The following ID2 variants were observed in gnomAD, a reference collection of about 807,000 sequenced individuals.
The protein encoded by ID2 is inhibitor of DNA binding 2.
In ID2, 2 loss-of-function variants were observed where a neutral mutation model predicts 8.3. That is an observed-to-expected ratio of 0.24 (90% confidence interval 0.10 to 0.76). The LOEUF (loss-of-function observed/expected upper bound fraction) is 0.76, where lower values mean the gene tolerates loss of function less well. Among genes scored for constraint, ID2 ranks in the 30% least tolerant of loss-of-function variants. The probability of loss-of-function intolerance (pLI) is 0.73; values close to 1 mark genes in which losing one functional copy is unlikely to be tolerated. For synonymous variants in ID2, 112 were observed against 72.3 expected, an observed-to-expected ratio of 1.55 and a Z score of -2.79; for missense variants, 155 against 167.0, an observed-to-expected ratio of 0.93 and a Z score of 0.40.
rs1179964656 is a variant in ID2, at chr2:8,682,829, CTCTT to C, written c.349-7_349-4del. 1.2e-5 allele frequency: 19 copies of C among 1,593,998 alleles called. No individual in the cohort carries two copies. Among genetic ancestry groups the C allele is most frequent in the African/African-American group, 2.7e-5 (2 of 74,192 alleles). On this transcript the variant is annotated splice_polypyrimidine_tract_variant and intron_variant, in intron 1 of 2. Coordinates refer to ENST00000396290, the MANE Select transcript of ID2 (RefSeq NM_002166.5). ...TTGTCTTAACCTCGTACTCTTTATC[CTCTT>C]TCTTTCCAGGCTTCTGAATTCCCTT... is the stretch of plus-strand genomic sequence containing the variant.
chr2:8,682,819 A>G, intron 1 of ID2, 24 bp from the exon 2 acceptor site: 10 of 1,564,990 alleles, frequency 6.4e-6, no homozygotes, highest in Non-Finnish European at 8.8e-6. Context: ...TTAACCTCGT[A>G]CTCTTTATCC....
chr2:8,682,233 C>G lies in ID2; in HGVS notation c.68C>G (p.Ser23Cys). 6.2e-7 allele frequency: 1 copy of G among 1,614,114 alleles called. No homozygotes were observed. The highest frequency in any genetic ancestry group is 1.1e-5 in the South Asian group (1 of 91,084). Reference sequence around the variant, plus strand: ...CTGTCGGACCACAGCCTGGGCATCTCCCGGAGCAAAACCCCTGTGGACGAC... The same window carrying G: ...CTGTCGGACCACAGCCTGGGCATCTGCCGGAGCAAAACCCCTGTGGACGAC... Reference protein sequence around the residue: ...NSLSDHSLGISRSKTPVDDPM... With the variant: ...NSLSDHSLGICRSKTPVDDPM... The change falls in exon 1 of 3, where the codon TCC becomes TGC. Residue 23 changes from serine to cysteine, a missense_variant. Around this residue, in one of 3 missense-constraint regions of ID2, gnomAD observed 73 missense variants for 72.2 expected, o/e 1.01. Coordinates refer to ENST00000396290, the MANE Select transcript of ID2 (RefSeq NM_002166.5).
In ID2 at chr2:8,684,373, T is replaced by G. The variant is rs925510168; in HGVS notation, c.*696T>G. 6.6e-6 allele frequency: 1 copy of G among 152,522 alleles called. No individual in the cohort carries two copies. The highest frequency in any genetic ancestry group is 1.5e-5 in the Non-Finnish European group (1 of 68,034). The allele number at this position is 152,522 out of a possible 1,614,324, so 9.4% of individuals were successfully genotyped here. A position where few individuals can be genotyped will look rare whatever the true frequency, so the allele number is the denominator to read the frequency against. Reference sequence around the variant, plus strand: ...CAGTGCTTTGATTTTTATTATGCTATGTTATAACTGAACCCAAATAAATAC... The same window carrying G: ...CAGTGCTTTGATTTTTATTATGCTAGGTTATAACTGAACCCAAATAAATAC... On this transcript the variant is annotated 3_prime_UTR_variant, in exon 3 of 3. Coordinates refer to ENST00000396290, the MANE Select transcript of ID2 (RefSeq NM_002166.5).
rs1210116248 is a variant in ID2 at position 8,682,098 on chromosome 2, G to C, written c.-68G>C. The C allele has an allele frequency of 3.9e-6, 5 of 1,282,378 alleles. No homozygotes were observed. The highest frequency in any genetic ancestry group is 5.5e-6 in the Non-Finnish European group (5 of 904,922). The allele number at this position is 1,282,378 out of a possible 1,614,324, so 79.4% of individuals were successfully genotyped here. A position where few individuals can be genotyped will look rare whatever the true frequency, so the allele number is the denominator to read the frequency against. The stretch of plus-strand genomic sequence containing the variant: ...GTGCCAAGCGCAGCTAGCTCAGCAG[G>C]CGGCAGCGGCGGCCTGAGCTTCAGG... On this transcript the variant is annotated 5_prime_UTR_variant, in exon 1 of 3. Coordinates refer to ENST00000396290, the MANE Select transcript of ID2 (RefSeq NM_002166.5).
chr2:8,682,407 C>G lies in ID2; in HGVS notation c.242C>G (p.Ser81Trp). ...TTGGACCTGCAGATCGCCCTGGACT[C>G]GCATCCCACTATTGTCAGCCTGCAT... ...YILDLQIALDSHPTIVSLHHQ... is the reference protein window; with the variant it reads ...YILDLQIALDWHPTIVSLHHQ... The change falls in exon 1 of 3, where the codon TCG becomes TGG. Residue 81 changes from serine to tryptophan, a missense_variant. Ser to Trp is a radical substitution (Grantham distance 177). Coordinates refer to ENST00000396290, the MANE Select transcript of ID2 (RefSeq NM_002166.5). 3 of 1,613,874 alleles carry G rather than the reference C, an allele frequency of 1.9e-6. No individual in the cohort carries two copies. Among genetic ancestry groups the G allele is most frequent in the Non-Finnish European group, 2.5e-6 (3 of 1,180,018 alleles).
chr2:8,683,050 TCTCA>T (rs1662134508), intron 2 of ID2, 144 bp downstream of exon 2: 1 of 701,840 alleles, frequency 1.4e-6, no homozygotes. Context: ...TACTACATTG[TCTCA>T]CTAGACATGA....
chr2:8,683,082 G>A (rs1257171610), intron 2 of ID2, 176 bp downstream of exon 2: 1 of 623,340 alleles, frequency 1.6e-6, no homozygotes, highest in Non-Finnish European at 2.9e-6. Context: ...TGTAGCTTTG[G>A]GTGCTCGAGA....
At position 8,683,879 on chromosome 2, in the gene ID2, T is replaced by C. The variant is rs2147895997; in HGVS notation, c.*202T>C. Reference sequence around the variant, plus strand: ...GGGTGTTCTCTTACTTGGACTGTGATATTCGTTATTTATGAAAAAGACTTT... The same window carrying C: ...GGGTGTTCTCTTACTTGGACTGTGACATTCGTTATTTATGAAAAAGACTTT... On this transcript the variant is annotated 3_prime_UTR_variant, in exon 3 of 3. Coordinates refer to ENST00000396290, the MANE Select transcript of ID2 (RefSeq NM_002166.5). 1 of 152,698 alleles carries C rather than the reference T, an allele frequency of 6.5e-6. No homozygotes were observed. Among genetic ancestry groups the C allele is most frequent in the Admixed American group, 6.5e-5 (1 of 15,306 alleles). The allele number at this position is 152,698 out of a possible 1,614,324, so 9.5% of individuals were successfully genotyped here. A position where few individuals can be genotyped will look rare whatever the true frequency, so the allele number is the denominator to read the frequency against.
intron 1 of ID2, 74 bp from the exon 2 acceptor site, chr2:8,682,762 CAAAAAAA>C (rs373887089): frequency 1.7e-4 from 125 of 746,772 alleles, no homozygotes; most frequent in African/African-American, 1.2e-3. Flanking sequence ...CTGTGGACTA[CAAAAAAA>C]AAAAAAAAAA....
chr2:8,682,198 G>T lies in ID2; in HGVS notation c.33G>T (p.Arg11Ser). The change falls in exon 1 of 3, where the codon AGG becomes AGT. Residue 11 changes from arginine (R) to serine (S), a missense_variant. By Grantham distance (110) the Arg-to-Ser change is moderately radical. Around this residue, in one of 3 missense-constraint regions of ID2, gnomAD observed 73 missense variants for 72.2 expected, o/e 1.01. Coordinates refer to ENST00000396290, the MANE Select transcript of ID2 (RefSeq NM_002166.5). MKAFSPVRSVRKNSLSDHSLG... is the reference protein window; with the variant it reads MKAFSPVRSVSKNSLSDHSLG... ...CCTTCAGTCCCGTGAGGTCCGTTAGGAAAAACAGCCTGTCGGACCACAGCC... is the reference window on the plus strand; with the variant it reads ...CCTTCAGTCCCGTGAGGTCCGTTAGTAAAAACAGCCTGTCGGACCACAGCC... 6.2e-7 allele frequency: 1 copy of T among 1,613,856 alleles called. No individual in the cohort carries two copies. The highest frequency in any genetic ancestry group is 8.5e-7 in the Non-Finnish European group (1 of 1,180,012).
rs949684920 is a variant in ID2, at chr2:8,684,091, CT to C, written c.*419del. The C allele has an allele frequency of 1.3e-5, 2 of 152,170 alleles. No homozygotes were observed. The highest frequency in any genetic ancestry group is 2.9e-5 in the Non-Finnish European group (2 of 67,998). The allele number at this position is 152,170 out of a possible 1,614,324, so 9.4% of individuals were successfully genotyped here. A position where few individuals can be genotyped will look rare whatever the true frequency, so the allele number is the denominator to read the frequency against. ...ATGAAGTCTTTTGGTCAGAAATTAC[CT>C]TTTTGACACAAGCCTACTGAATGCT... On this transcript the variant is annotated 3_prime_UTR_variant, in exon 3 of 3. Coordinates refer to ENST00000396290, the MANE Select transcript of ID2 (RefSeq NM_002166.5).
At position 8,683,679 on chromosome 2, in the gene ID2, T is replaced by C. The variant is rs536697369; in HGVS notation, c.*8-6T>C. 1 of 152,566 alleles carries C rather than the reference T, an allele frequency of 6.6e-6. No homozygotes were observed. The highest frequency in any genetic ancestry group is 1.5e-5 in the Non-Finnish European group (1 of 68,038). 9.5% of individuals were successfully genotyped at this position (152,566 alleles called of 1,614,324 possible). On this transcript the variant is annotated splice_polypyrimidine_tract_variant and splice_region_variant and intron_variant, in intron 2 of 2. Coordinates refer to ENST00000396290, the MANE Select transcript of ID2 (RefSeq NM_002166.5). ...AAACATGCCTTTCTCCCCCACTCTTTCGCAGGTGTTCATGATTTCTTTTAT... is the reference window on the plus strand; with the variant it reads ...AAACATGCCTTTCTCCCCCACTCTTCCGCAGGTGTTCATGATTTCTTTTAT...
rs1161870400 is a variant in ID2, at chr2:8,682,491, A to G, written c.326A>G (p.Asp109Gly). 6.2e-7 allele frequency: 1 copy of G among 1,613,022 alleles called. No homozygotes were observed. Among genetic ancestry groups the G allele is most frequent in the Non-Finnish European group, 8.5e-7 (1 of 1,179,874 alleles). Residue 109 changes from aspartate to glycine, a missense_variant, in exon 1 of 3, where the codon GAT becomes GGT. This residue lies in a region of ID2 where 75 missense variants were observed against 72.2 expected (regional missense o/e 1.04). Coordinates refer to ENST00000396290, the MANE Select transcript of ID2 (RefSeq NM_002166.5). ...SRTPLTTLNT[D>G]ISILSLQASE... is the part of the protein sequence containing the mutation. ...ACGCCGCTGACCACCCTCAACACGG[A>G]TATCAGCATCCTGTCCTTGCAGGTA...
chr2:8,683,884 G>A lies in ID2; in HGVS notation c.*207G>A, dbSNP rs1251409867. ...TTCTCTTACTTGGACTGTGATATTC[G>A]TTATTTATGAAAAAGACTTTTAAAT... is the stretch of plus-strand genomic sequence containing the variant. On this transcript the variant is annotated 3_prime_UTR_variant, in exon 3 of 3. Transcript: ENST00000396290. 2.0e-5 allele frequency: 3 copies of A among 152,442 alleles called. No homozygotes were observed. Among genetic ancestry groups the A allele is most frequent in the African/African-American group, 4.8e-5 (2 of 41,432 alleles). 9.4% of individuals were successfully genotyped at this position (152,442 alleles called of 1,614,324 possible).
chr2:8,682,765 A>C (rs1446359621), intron 1 of ID2, 78 bp from the exon 2 acceptor site: 1 of 664,942 alleles, frequency 1.5e-6, no homozygotes, highest in Non-Finnish European at 2.2e-6. Flanking sequence ...TGGACTACAA[A>C]AAAAAAAAAA....
chr2:8,682,650 G>C (rs1662114429), intron 1 of ID2, 137 bp downstream of exon 1: 1 of 729,204 alleles, frequency 1.4e-6, no homozygotes, highest in Non-Finnish European at 2.3e-6. Context: ...ATCTGCTGTA[G>C]ATTGAGCTGT....
chr2:8,682,537 G>T (rs1235971301), intron 1 of ID2, 24 bp downstream of exon 1: 2 of 1,560,056 alleles, frequency 1.3e-6, no homozygotes, highest in Non-Finnish European at 1.8e-6. Flanking sequence ...CGGGGTCCCC[G>T]CCCCGCCGCC....
Position 8,682,138 on chromosome 2 carries a change from C to G in ID2, c.-28C>G, listed in dbSNP as rs1662092375. 1 of 1,587,204 alleles carries G rather than the reference C, an allele frequency of 6.3e-7. No individual in the cohort carries two copies. Among genetic ancestry groups the G allele is most frequent in the Non-Finnish European group, 8.6e-7 (1 of 1,160,312 alleles). ...TGAGCTTCAGGGCAGCCAGCTCCCT[C>G]CCGGTCTCGCCTTCCCTCGCGGTCA... On this transcript the variant is annotated 5_prime_UTR_variant, in exon 1 of 3. Transcript: ENST00000396290.
At chr2:8,683,003 A>T in intron 2 of ID2, 97 bp downstream of exon 2, 1 of 896,828 alleles carries the variant, frequency 1.1e-6, no homozygotes, top group Non-Finnish European at 1.9e-6. Flanking sequence ...AAAATGTCTG[A>T]TTTGGTAAAT....
Sources: gnomAD v4.1 joint callset for allele counts on GRCh38, gnomAD v4.1.1 for gene constraint, gnomAD v4.1.1 regional missense constraint, MANE v1.5 for transcripts, NCBI Gene and HGNC (gene_info 2026-07-23, HGNC 2026-07-21) for gene names.